REV3L: variants seen among roughly 807,000 people sequenced by gnomAD.
REV3L encodes REV3 like, DNA directed polymerase zeta catalytic subunit, also known as DNA polymerase zeta catalytic subunit.
Under a neutral mutation model 299.4 loss-of-function variants are expected in REV3L, and 69 were observed. The observed-to-expected ratio is 0.23, with a 90% confidence interval of 0.19 to 0.28. REV3L has a LOEUF of 0.28. Ranked by LOEUF, REV3L falls within the 10% of genes least tolerant of loss-of-function variation. REV3L has a pLI of 1.00. For missense variants in REV3L, 3,128 were observed against 3,693.8 expected (o/e 0.85, Z 3.97); for synonymous variants, 1,238 against 1,271.4 (o/e 0.97, Z 0.56).
intron 18 of REV3L, among the ~76,000 whole-genome samples, chr6:111,356,263 G>A (rs1031488441): frequency 1.3e-5 from 2 of 152,020 alleles, no homozygotes; most frequent in Non-Finnish European, 2.9e-5. Context: ...CCTAGCAATG[G>A]GCAGAATCCT....
intron 1 of REV3L, among the ~76,000 whole-genome samples, chr6:111,440,915 C>T (rs1367969561): frequency 6.6e-6 from 1 of 152,228 alleles, no homozygotes; most frequent in Non-Finnish European, 1.5e-5. Context: ...AAACACTTCA[C>T]TCCTCTCGCT....
At chr6:111,427,159 G>T (rs1174564042) in intron 1 of REV3L, among the ~76,000 whole-genome samples, 1 of 152,130 alleles carries the variant, frequency 6.6e-6, no homozygotes, top group South Asian at 2.1e-4. Flanking sequence ...ATACCTAAAT[G>T]CTCCTTCAAA....
chr6:111,444,511 T>C (rs1583017264), intron 1 of REV3L, among the ~76,000 whole-genome samples: 1 of 151,914 alleles, frequency 6.6e-6, no homozygotes, highest in Admixed American at 6.6e-5. Flanking sequence ...TATAAAGAAC[T>C]CCTACAAATC....
chr6:111,365,169 ATTT>A, intron 15 of REV3L, 93 bp downstream of exon 15: 1 of 827,044 alleles, frequency 1.2e-6, no homozygotes. Context: ...AGTAACCAAA[ATTT>A]TTTAATTGAG....
At chr6:111,335,321 A>T in intron 22 of REV3L, 148 bp downstream of exon 22, 2 of 914,240 alleles carry the variant, frequency 2.2e-6, no homozygotes, top group Non-Finnish European at 3.1e-6. Flanking sequence ...GTTGGCATAG[A>T]AAGAGAATAA....
In REV3L at chr6:111,433,071, CA is replaced by C. The variant is rs368394980; in HGVS notation, c.140-16600del. Among the ~76,000 whole-genome samples, 244 of 152,150 alleles carry C rather than the reference CA, an allele frequency of 1.6e-3. 4 individuals are homozygous for C. Among genetic ancestry groups the C allele is most frequent in the African/African-American group, 5.3e-3 (221 of 41,530 alleles). On this transcript the variant is annotated intron_variant, in intron 1 of 31. Coordinates refer to ENST00000368802, the MANE Select transcript of REV3L (RefSeq NM_001372078.1). ...GTGGTACTAAGAAGGAAGTTTATAACAATAAACACCTATGTCAAAAAGTAGA... is the reference window on the plus strand; with the variant it reads ...GTGGTACTAAGAAGGAAGTTTATAACATAAACACCTATGTCAAAAAGTAGA...
At chr6:111,365,226 G>T in intron 15 of REV3L, 39 bp downstream of exon 15, 1 of 1,183,024 alleles carries the variant, frequency 8.5e-7, no homozygotes, top group Non-Finnish European at 1.2e-6. Flanking sequence ...AAAAAGACTG[G>T]CTCTTCCACT....
chr6:111,418,722 C>T lies in REV3L; in HGVS notation c.140-2250G>A, dbSNP rs151001299. Among the ~76,000 whole-genome samples the T allele has an allele frequency of 6.7e-3, 1,022 of 152,302 alleles. 6 individuals are homozygous for T. The highest frequency in any genetic ancestry group is 0.011 in the Non-Finnish European group (739 of 68,026). ...GTTTTTAAAAAGTCAATGTTGGCTTCCTTAATTCCTCAGTTTTTATTTTTT... is the reference window on the plus strand; with the variant it reads ...GTTTTTAAAAAGTCAATGTTGGCTTTCTTAATTCCTCAGTTTTTATTTTTT... On this transcript the variant is annotated intron_variant, in intron 1 of 31. Coordinates refer to ENST00000368802, the MANE Select transcript of REV3L (RefSeq NM_001372078.1).
intron 25 of REV3L, among the ~76,000 whole-genome samples, chr6:111,328,553 G>C (rs1447709965): frequency 6.6e-6 from 1 of 152,172 alleles, no homozygotes; most frequent in Non-Finnish European, 1.5e-5. Flanking sequence ...TAGTTATGAA[G>C]ATCATGCAGA....
chr6:111,322,280 C>T (rs919920345), intron 26 of REV3L, among the ~76,000 whole-genome samples: 3 of 152,180 alleles, frequency 2.0e-5, no homozygotes, highest in Non-Finnish European at 4.4e-5. Flanking sequence ...TTTAAATAAA[C>T]TAGACTCCTG....
At chr6:111,368,388 G>A (rs1779440690) in intron 13 of REV3L, among the ~76,000 whole-genome samples, 1 of 152,032 alleles carries the variant, frequency 6.6e-6, no homozygotes, top group Admixed American at 6.6e-5. Flanking sequence ...TACCACATAT[G>A]AATAAAAACA....
intron 26 of REV3L, among the ~76,000 whole-genome samples, chr6:111,318,086 CTTTTT>C (rs1378024093): frequency 6.7e-6 from 1 of 148,488 alleles, no homozygotes; most frequent in South Asian, 2.1e-4. Flanking sequence ...TTTCCTTTTT[CTTTTT>C]TCTTTTTTTT....
intron 7 of REV3L, 37 bp downstream of exon 7, chr6:111,389,069 A>G: frequency 6.9e-7 from 1 of 1,448,760 alleles, no homozygotes; most frequent in African/African-American, 1.4e-5. Context: ...AAAATACTTG[A>G]TTTAAAAGAA....
At chr6:111,364,069 T>C (rs887412410) in intron 15 of REV3L, 91 bp from the exon 16 acceptor site, 15 of 1,495,926 alleles carry the variant, frequency 1.0e-5, no homozygotes, top group Non-Finnish European at 1.3e-5. Flanking sequence ...TAATATGCTT[T>C]ATGTGTTTAG....
chr6:111,306,426 C>T (rs1389991447), intron 31 of REV3L, among the ~76,000 whole-genome samples: 2 of 152,012 alleles, frequency 1.3e-5, no homozygotes, highest in African/African-American at 2.4e-5. Flanking sequence ...AGGGACAGAA[C>T]GGAGATGACT....
chr6:111,407,760 C>A (rs944115191), intron 3 of REV3L, among the ~76,000 whole-genome samples: 3 of 151,984 alleles, frequency 2.0e-5, no homozygotes, highest in African/African-American at 4.8e-5. Flanking sequence ...CATGGAGAAA[C>A]CCTGTCCTTA....
intron 1 of REV3L, among the ~76,000 whole-genome samples, chr6:111,465,001 CA>C (rs1221516843): frequency 1.4e-5 from 2 of 148,068 alleles, no homozygotes; most frequent in East Asian, 2.0e-4. Flanking sequence ...GACTCCATCT[CA>C]AAAAAAAGGA....
At chr6:111,347,283 TA>T (rs938895666) in intron 20 of REV3L, among the ~76,000 whole-genome samples, 26 of 148,920 alleles carry the variant, frequency 1.7e-4, no homozygotes, top group East Asian at 5.8e-4. Flanking sequence ...ATAAATAAAA[TA>T]AAAAAAAATA....
intron 6 of REV3L, among the ~76,000 whole-genome samples, chr6:111,389,664 A>T (rs17510740): frequency 2.6e-5 from 4 of 150,996 alleles, no homozygotes; most frequent in African/African-American, 9.8e-5. Flanking sequence ...TCCTCCTTCT[A>T]TAATATCTTA....
Sources: allele counts gnomAD v4.1 joint callset (sites outside exome capture counted in the v4.1 genomes callset), GRCh38; gene constraint gnomAD v4.1.1; transcripts MANE v1.5; gene names NCBI Gene and HGNC (gene_info 2026-07-23, HGNC 2026-07-21).